Variants in ESRRG observed in about 807,000 individuals in gnomAD.
ESRRG encodes estrogen-related receptor gamma.
ESRRG carries 13 observed loss-of-function variants against 44.0 expected under a neutral mutation model. The observed-to-expected ratio is 0.30, with a 90% CI of 0.19 to 0.47. ESRRG has a LOEUF of 0.47. Ranked by LOEUF, ESRRG falls within the 20% of genes least tolerant of loss-of-function variation. The probability of loss-of-function intolerance (pLI) is 1.00; values close to 1 mark genes in which losing one functional copy is unlikely to be tolerated. For synonymous variants in ESRRG, 215 were observed against 214.6 expected (o/e 1.00, Z -0.02); for missense variants, 395 against 580.6 (o/e 0.68, Z 3.29).
chr1:217,136,226 C>G (rs555901202), intron 1 of ESRRG, among the ~76,000 whole-genome samples: 2 of 152,104 alleles, frequency 1.3e-5, no homozygotes, highest in South Asian at 2.1e-4. Flanking sequence ...CTGGGAGTAC[C>G]GGAGTGAGTG....
chr1:216,661,905 G>A lies in ESRRG; in HGVS notation c.473-10816C>T, dbSNP rs543070661. ...GGAGGCAGTATAACATATAGATTACGAGCTAACATACTGGAGTCAAATTGG... is the reference window on the plus strand; with the variant it reads ...GGAGGCAGTATAACATATAGATTACAAGCTAACATACTGGAGTCAAATTGG... On this transcript the variant is annotated intron_variant, in intron 2 of 6. Transcript: ENST00000408911. 4.7e-4 allele frequency among the ~76,000 whole-genome samples: 71 copies of A among 152,194 alleles called. 1 individual carries two copies. The South Asian group carries it at 0.013, about 28-fold the overall frequency.
At chr1:216,883,386 G>GAAAAAAAAAAAAAAAAAAAAAAAAAA in intron 2 of ESRRG, among the ~76,000 whole-genome samples, 1 of 75,842 alleles carries the variant, frequency 1.3e-5, no homozygotes, top group Non-Finnish European at 2.8e-5. Context: ...ACTTCTCTGA[G>GAAAAAAAAAAAAAAAAAAAAAAAAAA]AAAAAAAAAA....
intron 1 of ESRRG, among the ~76,000 whole-genome samples, chr1:216,944,635 A>G (rs1397473360): frequency 6.6e-6 from 1 of 152,154 alleles, no homozygotes; most frequent in Non-Finnish European, 1.5e-5. Context: ...CCTTCATTTT[A>G]CCAGTAAGGA....
At chr1:216,679,357 C>T (rs2151527021) in intron 1 of ESRRG, among the ~76,000 whole-genome samples, 1 of 152,282 alleles carries the variant, frequency 6.6e-6, no homozygotes, top group African/African-American at 2.4e-5. Flanking sequence ...CTCAAGTCAT[C>T]GTTTGAAAGA....
At chr1:216,815,989 A>G (rs2095124657) in intron 2 of ESRRG, among the ~76,000 whole-genome samples, 1 of 152,154 alleles carries the variant, frequency 6.6e-6, no homozygotes, top group Non-Finnish European at 1.5e-5. Context: ...CAGCCTGGAT[A>G]CCAAATGGCT....
intron 3 of ESRRG, among the ~76,000 whole-genome samples, chr1:216,647,600 T>C (rs1039251483): frequency 1.3e-5 from 2 of 152,202 alleles, no homozygotes; most frequent in African/African-American, 4.8e-5. Context: ...TTATGTACAA[T>C]GTGATGAAAC....
At chr1:216,940,354 T>G (rs2065012799) in intron 1 of ESRRG, among the ~76,000 whole-genome samples, 1 of 152,196 alleles carries the variant, frequency 6.6e-6, no homozygotes, top group South Asian at 2.1e-4. Context: ...AAATGGCAAT[T>G]CCATATGATT....
At chr1:217,026,265 A>G (rs748914727) in intron 1 of ESRRG, among the ~76,000 whole-genome samples, 4 of 152,188 alleles carry the variant, frequency 2.6e-5, no homozygotes, top group Non-Finnish European at 4.4e-5. Flanking sequence ...CAATTGGCCA[A>G]ATGGAGGGAC....
chr1:216,950,481 T>TA (rs1176164933), intron 1 of ESRRG, among the ~76,000 whole-genome samples: 1 of 152,160 alleles, frequency 6.6e-6, no homozygotes, highest in Non-Finnish European at 1.5e-5. Context: ...AGACTTGAAA[T>TA]ACTGCCTTGA....
At chr1:216,942,726 T>A (rs754203220) in intron 1 of ESRRG, among the ~76,000 whole-genome samples, 43 of 152,320 alleles carry the variant, frequency 2.8e-4, no homozygotes, top group Non-Finnish European at 5.9e-5. Context: ...GAGATATGTC[T>A]GTTTATGTTC....
At position 216,681,539 on chromosome 1, in the gene ESRRG, G is replaced by A. The variant is rs75963635; in HGVS notation, c.57-4048C>T. 4.3e-4 allele frequency among the ~76,000 whole-genome samples: 65 copies of A among 152,190 alleles called. 2 individuals are homozygous for A. The East Asian group carries it at 9.9e-3, about 23-fold the overall frequency. On this transcript the variant is annotated intron_variant, in intron 1 of 6. Transcript: ENST00000408911. ...TTTAACAGCCTACCTGAAATTTCAG[G>A]ACTTTAAAAAGCATTTCAAAACAGT...
intron 2 of ESRRG, among the ~76,000 whole-genome samples, chr1:216,669,085 T>C (rs550673191): frequency 6.0e-5 from 9 of 150,430 alleles, no homozygotes; most frequent in Admixed American, 4.7e-4. Context: ...AGTGTTTTTT[T>C]ATATTTTTAA....
intron 1 of ESRRG, among the ~76,000 whole-genome samples, chr1:217,003,598 T>TTAATATTAAG (rs1236108185): frequency 6.7e-5 from 10 of 149,542 alleles, no homozygotes; most frequent in African/African-American, 2.2e-4. Flanking sequence ...TATTAATTAA[T>TTAATATTAAG]ATTAATATTA....
At chr1:216,813,475 C>G (rs534726741) in intron 2 of ESRRG, among the ~76,000 whole-genome samples, 1 of 152,094 alleles carries the variant, frequency 6.6e-6, no homozygotes, top group Non-Finnish European at 1.5e-5. Context: ...CAGAGGATAT[C>G]GAATCTGTAT....
intron 1 of ESRRG, among the ~76,000 whole-genome samples, chr1:217,008,475 TC>T (rs1326226766): frequency 4.0e-4 from 61 of 152,080 alleles, no homozygotes; most frequent in Non-Finnish European, 8.8e-5. Context: ...GGGAAAGATT[TC>T]CTTGAAGTGG....
intron 2 of ESRRG, among the ~76,000 whole-genome samples, chr1:216,871,012 C>T (rs1423895630): frequency 1.3e-5 from 2 of 151,854 alleles, no homozygotes; most frequent in African/African-American, 2.4e-5. Context: ...TATGAGTATA[C>T]TCTTCATTCT....
chr1:216,769,983 G>A lies in ESRRG; in HGVS notation c.-13-92492C>T, dbSNP rs186383591. ...AACTAAGGATAAGTCCACTTTTCAG[G>A]AATAGAAACAAAGAGAGCTACCAAA... On this transcript the variant is annotated intron_variant, in intron 2 of 7. Coordinates refer to the ESRRG transcript ENST00000359162. 1.3e-3 allele frequency among the ~76,000 whole-genome samples: 201 copies of A among 152,120 alleles called. 1 individual carries two copies. Among genetic ancestry groups the A allele is most frequent in the African/African-American group, 3.4e-3 (140 of 41,522 alleles).
chr1:216,977,703 A>G (rs1232773163), intron 1 of ESRRG, among the ~76,000 whole-genome samples: 1 of 152,152 alleles, frequency 6.6e-6, no homozygotes, highest in African/African-American at 2.4e-5. Context: ...GCTAAGAATA[A>G]TTAACCAGCT....
At chr1:216,659,942 T>C (rs1203305101) in intron 2 of ESRRG, among the ~76,000 whole-genome samples, 1 of 152,194 alleles carries the variant, frequency 6.6e-6, no homozygotes. Flanking sequence ...AAACATTCAT[T>C]TGTCAACTTA....
Sources: gnomAD v4.1 joint callset for allele counts (sites outside exome capture counted in the v4.1 genomes callset) on GRCh38, gnomAD v4.1.1 for gene constraint, MANE v1.5 for transcripts, NCBI Gene and HGNC (gene_info 2026-07-23, HGNC 2026-07-21) for gene names.